The following SPAG16 variants were observed in gnomAD, a reference collection of about 807,000 sequenced individuals.
SPAG16 encodes the protein sperm-associated antigen 16 protein.
A neutral mutation model predicts 80.4 loss-of-function variants in SPAG16; 86 were observed. The observed-to-expected ratio is 1.07, with a 90% CI of 0.90 to 1.28. The LOEUF (loss-of-function observed/expected upper bound fraction) is 1.28, where lower values mean the gene tolerates loss of function less well. SPAG16 is among the 50% of genes most tolerant of loss of function. SPAG16 has a pLI of 0.00. For missense variants in SPAG16, 870 were observed against 765.3 expected, an observed-to-expected ratio of 1.14 and a Z score of -1.61; for synonymous variants, 294 against 265.9, an observed-to-expected ratio of 1.11 and a Z score of -1.03.
At chr2:213,544,942 T>G (rs2076567358) in intron 10 of SPAG16, among the ~76,000 whole-genome samples, 1 of 152,150 alleles carries the variant, frequency 6.6e-6, no homozygotes, top group African/African-American at 2.4e-5. Context: ...CTTGGTTGCT[T>G]CCAAGTGTTG....
intron 1 of SPAG16, 149 bp downstream of exon 1, chr2:213,284,768 C>A (rs1416808162): frequency 3.5e-6 from 4 of 1,144,354 alleles, no homozygotes; most frequent in Non-Finnish European, 4.8e-6. Flanking sequence ...TTTTTGCCAC[C>A]ACAGTCTTCC....
intron 15 of SPAG16, among the ~76,000 whole-genome samples, chr2:214,351,830 GAC>G (rs746232381): frequency 1.2e-4 from 8 of 68,664 alleles, no homozygotes; most frequent in Non-Finnish European, 1.6e-4. Flanking sequence ...TATTCTATTT[GAC>G]ACACAAAAAA....
intron 15 of SPAG16, among the ~76,000 whole-genome samples, chr2:214,180,738 C>A (rs1329261540): frequency 6.6e-6 from 1 of 151,606 alleles, no homozygotes; most frequent in African/African-American, 2.4e-5. Context: ...TAAATTATTT[C>A]TTTGCAGTAT....
intron 10 of SPAG16, among the ~76,000 whole-genome samples, chr2:213,521,431 G>C (rs1006265850): frequency 9.2e-5 from 14 of 152,146 alleles, no homozygotes; most frequent in Admixed American, 1.3e-4. Flanking sequence ...AGGCTTGTCA[G>C]CATATTTCAG....
chr2:213,316,900 A>G lies in SPAG16; in HGVS notation c.399-319A>G, dbSNP rs186068953. Among the ~76,000 whole-genome samples, 302 of 152,058 alleles carry G rather than the reference A, an allele frequency of 2.0e-3. 2 individuals are homozygous for G. Among genetic ancestry groups the G allele is most frequent in the African/African-American group, 6.8e-3 (284 of 41,492 alleles). On this transcript the variant is annotated intron_variant, in intron 4 of 15. Transcript: ENST00000331683. ...CAGCTTATTTAACTTCATAGAACTT[A>G]TCACCCTCCCCACTAGAATGGAAAC... is the stretch of plus-strand genomic sequence containing the variant.
chr2:213,720,301 G>T (rs2125391623), intron 10 of SPAG16, among the ~76,000 whole-genome samples: 1 of 151,966 alleles, frequency 6.6e-6, no homozygotes. Flanking sequence ...AAACCTGCTG[G>T]TTCTGCACAT....
chr2:213,937,949 G>C (rs1005227814), intron 12 of SPAG16, among the ~76,000 whole-genome samples: 21 of 152,000 alleles, frequency 1.4e-4, no homozygotes, highest in African/African-American at 4.1e-4. Flanking sequence ...CCTTTCCACA[G>C]CAAATGCTAT....
At chr2:213,470,987 TCACA>T (rs2073046718) in intron 9 of SPAG16, among the ~76,000 whole-genome samples, 1 of 152,218 alleles carries the variant, frequency 6.6e-6, no homozygotes, top group Non-Finnish European at 1.5e-5. Context: ...CAGCATATAA[TCACA>T]CATCTGGCCA....
intron 9 of SPAG16, among the ~76,000 whole-genome samples, chr2:213,485,219 C>T (rs2073927346): frequency 6.6e-6 from 1 of 152,092 alleles, no homozygotes. Flanking sequence ...GTCTCGAACT[C>T]CTGAGCTCAA....
chr2:213,869,285 A>ACG (rs1403885787), intron 11 of SPAG16, among the ~76,000 whole-genome samples: 5 of 25,596 alleles, frequency 2.0e-4, no homozygotes, highest in Non-Finnish European at 3.8e-4. Context: ...ATATATGTAT[A>ACG]TATATATGTA....
At chr2:214,139,637 A>T (rs1046684807) in intron 14 of SPAG16, among the ~76,000 whole-genome samples, 2 of 152,184 alleles carry the variant, frequency 1.3e-5, no homozygotes, top group African/African-American at 2.4e-5. Context: ...TTCAACAAAT[A>T]TAATATGAAT....
chr2:213,593,174 C>A (rs896690965), intron 10 of SPAG16, among the ~76,000 whole-genome samples: 8 of 152,032 alleles, frequency 5.3e-5, no homozygotes, highest in Admixed American at 2.0e-4. Context: ...TAAGAAAAAC[C>A]GAGGTGATAC....
rs772591702 is a variant in SPAG16 at position 213,603,270 on chromosome 2, C to T, written c.1070+113180C>T. ...CTGTGAAACCCTTGTTTATATCTTT[C>T]GCTCATTTTTCTATGTATTGCTTCT... On this transcript the variant is annotated intron_variant, in intron 10 of 15. Coordinates refer to ENST00000331683, the MANE Select transcript of SPAG16 (RefSeq NM_024532.5). Among the ~76,000 whole-genome samples, 64 of 152,266 alleles carry T rather than the reference C, an allele frequency of 4.2e-4. 2 individuals are homozygous for T. The Middle Eastern group carries it at 0.02, about 49-fold the overall frequency.
intron 10 of SPAG16, among the ~76,000 whole-genome samples, chr2:213,747,128 G>A (rs191675417): frequency 2.6e-5 from 4 of 152,118 alleles, no homozygotes; most frequent in African/African-American, 4.8e-5. Flanking sequence ...GTAGGCCTAG[G>A]CTAAGTATGT....
At chr2:213,715,384 A>G (rs563569605) in intron 10 of SPAG16, among the ~76,000 whole-genome samples, 7 of 152,318 alleles carry the variant, frequency 4.6e-5, no homozygotes, top group African/African-American at 1.7e-4. Context: ...ACATCATAAA[A>G]TATCATAAAG....
rs1576811083 is a variant in SPAG16, at chr2:214,335,702, C to T, written c.1721-74438C>T. Among the ~76,000 whole-genome samples the T allele has an allele frequency of 2.7e-5, 4 of 150,234 alleles. 1 individual carries two copies. In the South Asian group the frequency reaches 8.5e-4, roughly 32 times the overall value. ...TGGTGTCATATAAATGTTTTTCTTT[C>T]CTGTGTTATGTTTAGATATCAACCA... On this transcript the variant is annotated intron_variant, in intron 15 of 15. Transcript: ENST00000331683.
At position 214,011,119 on chromosome 2, in the gene SPAG16, A is replaced by C. The variant is rs78509707; in HGVS notation, c.1401-2832A>C. 9.8e-3 allele frequency among the ~76,000 whole-genome samples: 1,429 copies of C among 145,380 alleles called. 135 individuals are homozygous for C. Among genetic ancestry groups the C allele is most frequent in the East Asian group, 0.097 (489 of 5,056 alleles). On this transcript the variant is annotated intron_variant, in intron 12 of 15. Coordinates refer to ENST00000331683, the MANE Select transcript of SPAG16 (RefSeq NM_024532.5). Reference sequence around the variant, plus strand: ...TACCATTTTAATATAATAGGAATAAAATTCTTAATTTTTATCTCTCTCTTT... The same window carrying C: ...TACCATTTTAATATAATAGGAATAACATTCTTAATTTTTATCTCTCTCTTT...
At chr2:213,828,338 C>T (rs1354421446) in intron 10 of SPAG16, among the ~76,000 whole-genome samples, 1 of 152,130 alleles carries the variant, frequency 6.6e-6, no homozygotes, top group Non-Finnish European at 1.5e-5. Flanking sequence ...ATGTCAGTTG[C>T]ATTTTTCAAC....
At chr2:214,390,865 G>T (rs1701041535) in intron 15 of SPAG16, among the ~76,000 whole-genome samples, 1 of 152,220 alleles carries the variant, frequency 6.6e-6, no homozygotes, top group South Asian at 2.1e-4. Context: ...ACAAGGCCAT[G>T]TACAAAATTG....
Sources: gnomAD v4.1 joint callset for allele counts (sites outside exome capture counted in the v4.1 genomes callset) on GRCh38, gnomAD v4.1.1 for gene constraint, MANE v1.5 for transcripts, NCBI Gene and HGNC (gene_info 2026-07-23, HGNC 2026-07-21) for gene names.